INTS14: variants seen among roughly 807,000 people sequenced by gnomAD.
INTS14 encodes integrator complex subunit 14, also known as UPF0464 protein C15orf44.
INTS14 carries 27 observed loss-of-function variants against 56.9 expected under a neutral mutation model. The ratio of observed to expected loss-of-function variants is 0.47; its 90% confidence interval spans 0.35 to 0.65. The LOEUF is 0.65. INTS14 is among the 30% of genes least tolerant of loss of function. The pLI, the probability that INTS14 is intolerant of heterozygous loss-of-function variation, is 0.00. For missense variants in INTS14, 517 were observed against 632.2 expected (o/e 0.82, Z 1.95); for synonymous variants, 207 against 236.2 (o/e 0.88, Z 1.13).
intron 11 of INTS14, 26 bp downstream of exon 11, chr15:65,581,928 G>A (rs1477119943): frequency 6.2e-7 from 1 of 1,609,374 alleles, no homozygotes; most frequent in Non-Finnish European, 8.5e-7. Flanking sequence ...ATATATTTTG[G>A]GCACATCCTC....
At chr15:65,595,897 T>C in intron 6 of INTS14, 72 bp from the exon 7 acceptor site, 1 of 1,200,200 alleles carries the variant, frequency 8.3e-7, no homozygotes, top group Non-Finnish European at 1.2e-6. Context: ...GTATTACATT[T>C]CACAAATGCA....
intron 1 of INTS14, among the ~76,000 whole-genome samples, chr15:65,608,406 T>C (rs991784033): frequency 1.1e-4 from 16 of 150,878 alleles, no homozygotes; most frequent in Non-Finnish European, 2.1e-4. Flanking sequence ...CAGCTGGAAT[T>C]ATCTCATGAA....
At chr15:65,610,902 G>C in intron 1 of INTS14, 196 bp downstream of exon 1, 3 of 1,475,802 alleles carry the variant, frequency 2.0e-6, no homozygotes, top group Non-Finnish European at 2.7e-6. Context: ...GCGGAGCTGG[G>C]GACCCCGAGC....
At chr15:65,595,637 C>A in intron 7 of INTS14, 96 bp downstream of exon 7, 1 of 982,816 alleles carries the variant, frequency 1.0e-6, no homozygotes, top group Non-Finnish European at 1.5e-6. Flanking sequence ...TTCCTTTCCC[C>A]TAAATTCTGC....
At chr15:65,581,688 G>A (rs1284477957) in intron 11 of INTS14, among the ~76,000 whole-genome samples, 1 of 151,844 alleles carries the variant, frequency 6.6e-6, no homozygotes, top group Non-Finnish European at 1.5e-5. Context: ...TGACCCACAG[G>A]TCCTCTAAGC....
intron 10 of INTS14, 23 bp from the exon 11 acceptor site, chr15:65,582,042 T>C: frequency 2.1e-6 from 3 of 1,435,318 alleles, no homozygotes; most frequent in Non-Finnish European, 2.9e-6. Context: ...AAAAAAAAAA[T>C]CCAACATTAG....
intron 4 of INTS14, 95 bp from the exon 5 acceptor site, chr15:65,599,085 C>A (rs925888320): frequency 1.7e-5 from 12 of 721,208 alleles, no homozygotes; most frequent in African/African-American, 7.3e-5. Context: ...ATAACATAGG[C>A]AATAAATAAC....
Position 65,584,855 on chromosome 15 carries a change from T to C in INTS14, c.1154A>G (p.Asn385Ser), listed in dbSNP as rs751186831. ...AKENPYGEDD[N>S]KSPFPLQPKN... ...GGGCTGCAGGGGGAATGGACTCTTATTGTCATCCTCGCCATAAGGGTTTTC... is the reference window on the plus strand; with the variant it reads ...GGGCTGCAGGGGGAATGGACTCTTACTGTCATCCTCGCCATAAGGGTTTTC... Residue 385 changes from asparagine (N) to serine (S), a missense_variant, in exon 10 of 12, where the codon AAT becomes AGT. By Grantham distance (46) the Asn-to-Ser change is conservative. Transcript: ENST00000313182. The C allele has an allele frequency of 1.3e-5, 21 of 1,613,356 alleles. No individual in the cohort carries two copies. The highest frequency in any genetic ancestry group is 1.6e-5 in the Non-Finnish European group (19 of 1,179,724).
At chr15:65,579,695 A>G in intron 11 of INTS14, 36 bp from the exon 12 acceptor site, 12 of 1,599,062 alleles carry the variant, frequency 7.5e-6, no homozygotes, top group Non-Finnish European at 1.0e-5. Flanking sequence ...TGCTCCTGAA[A>G]TGTGTTCCTA....
At chr15:65,594,069 C>T (rs1248767731) in intron 7 of INTS14, among the ~76,000 whole-genome samples, 1 of 152,194 alleles carries the variant, frequency 6.6e-6, no homozygotes, top group Non-Finnish European at 1.5e-5. Context: ...TAGATGCTAT[C>T]TGGAAGCTTC....
At chr15:65,593,739 A>C (rs1394415005) in intron 7 of INTS14, among the ~76,000 whole-genome samples, 167 bp from the exon 8 acceptor site, 1 of 152,194 alleles carries the variant, frequency 6.6e-6, no homozygotes, top group Non-Finnish European at 1.5e-5. Flanking sequence ...TCTACATAAA[A>C]GTCAGTTTCC....
At chr15:65,581,870 C>T in intron 11 of INTS14, 84 bp downstream of exon 11, 1 of 1,378,242 alleles carries the variant, frequency 7.3e-7, no homozygotes, top group Middle Eastern at 1.8e-4. Flanking sequence ...CATCTCTAAC[C>T]CCTGCCCATA....
chr15:65,591,728 A>T lies in INTS14; in HGVS notation c.990T>A (p.Pro330=). 1 of 1,613,954 alleles carries T rather than the reference A, an allele frequency of 6.2e-7. No individual in the cohort carries two copies. Among genetic ancestry groups the T allele is most frequent in the South Asian group, 1.1e-5 (1 of 91,036 alleles). ...GGGAGTAGAGCATTCCATGCCATTC[A>T]GGACTAGATGGAGAGAAGACGGAAG... ...EGMVAIVQLG[P]EWHGMLYSQA... Residue 330 remains proline, a synonymous_variant, in exon 9 of 12, where the codon CCT becomes CCA. Transcript: ENST00000313182.
chr15:65,611,005 C>T, intron 1 of INTS14, 93 bp downstream of exon 1: 1 of 1,512,776 alleles, frequency 6.6e-7, no homozygotes, highest in Non-Finnish European at 8.8e-7. Flanking sequence ...AGGCCAAGCG[C>T]TGGCCCTGGG....
chr15:65,579,416 T>C lies in INTS14; in HGVS notation c.1549A>G (p.Arg517Gly). Reference sequence around the variant, plus strand: ...AGCTCCAAAAGTCAGTTTCAAATTCTTTCAGTGCTGCTCCCAGAGAAGTCC... The same window carrying C: ...AGCTCCAAAAGTCAGTTTCAAATTCCTTCAGTGCTGCTCCCAGAGAAGTCC... ...HTDFSGSSTERI is the reference protein window; with the variant it reads ...HTDFSGSSTEGI The change falls in exon 12 of 12, where the codon AGA becomes GGA. Residue 517 changes from arginine (R) to glycine (G), a missense_variant. Coordinates refer to ENST00000313182, the MANE Select transcript of INTS14 (RefSeq NM_001394796.1). 1.2e-6 allele frequency: 2 copies of C among 1,608,486 alleles called. No homozygotes were observed. Among genetic ancestry groups the C allele is most frequent in the Non-Finnish European group, 1.7e-6 (2 of 1,175,616 alleles).
chr15:65,599,235 G>T, intron 4 of INTS14: 1 of 370,698 alleles, frequency 2.7e-6, no homozygotes, highest in Non-Finnish European at 4.9e-6. Flanking sequence ...ATTCTCAGAG[G>T]TGACCACAGT....
rs558419496 is a variant in INTS14, at chr15:65,607,560, A to G, written c.-62-118T>C. On this transcript the variant is annotated intron_variant, in intron 1 of 11. Coordinates refer to ENST00000313182, the MANE Select transcript of INTS14 (RefSeq NM_001394796.1). Reference sequence around the variant, plus strand: ...AAACACCATTTAAGTTGAGGTGAGGAATAATCTGTAGAGAACTCAGTGAGA... The same window carrying G: ...AAACACCATTTAAGTTGAGGTGAGGGATAATCTGTAGAGAACTCAGTGAGA... The G allele has an allele frequency of 1.5e-5, 18 of 1,186,160 alleles. No homozygotes were observed. The East Asian group carries it at 4.6e-4, about 31-fold the overall frequency. 73.5% of individuals were successfully genotyped at this position (1,186,160 alleles called of 1,614,324 possible).
chr15:65,579,927 T>G (rs2072531490), intron 11 of INTS14, among the ~76,000 whole-genome samples: 1 of 152,154 alleles, frequency 6.6e-6, no homozygotes, highest in Non-Finnish European at 1.5e-5. Flanking sequence ...ATGCCACATG[T>G]GGTAGTCAGC....
chr15:65,603,870 A>G (rs2073538467), intron 3 of INTS14, among the ~76,000 whole-genome samples: 1 of 152,236 alleles, frequency 6.6e-6, no homozygotes, highest in Admixed American at 6.5e-5. Flanking sequence ...AGACACCTAC[A>G]AAGCCTAAAA....
Sources: gnomAD v4.1 joint callset for allele counts (sites outside exome capture counted in the v4.1 genomes callset) on GRCh38, gnomAD v4.1.1 for gene constraint, MANE v1.5 for transcripts, NCBI Gene and HGNC (gene_info 2026-07-23, HGNC 2026-07-21) for gene names.